NTRK2: variants seen among roughly 807,000 people sequenced by gnomAD.
The protein encoded by NTRK2 is neurotrophic receptor tyrosine kinase 2.
In NTRK2, 13 loss-of-function variants were observed where a neutral mutation model predicts 94.5. The ratio of observed to expected loss-of-function variants is 0.14; its 90% confidence interval spans 0.09 to 0.22. The LOEUF (loss-of-function observed/expected upper bound fraction) is 0.22, where lower values mean the gene tolerates loss of function less well. NTRK2 is among the 10% of genes least tolerant of loss of function. NTRK2 has a pLI of 1.00. For synonymous variants in NTRK2, 372 were observed against 407.4 expected (o/e 0.91, Z 1.05); for missense variants, 639 against 1,071.2 (o/e 0.60, Z 5.63).
chr9:84,706,514 ATTTTTTGTTTTTG>A (rs1338978623), intron 4 of NTRK2, among the ~76,000 whole-genome samples: 1 of 68,546 alleles, frequency 1.5e-5, no homozygotes, highest in African/African-American at 5.4e-5. Context: ...CATGTGTGTT[ATTTTTTGTTTTTG>A]TTTTTTTTTT....
intron 10 of NTRK2, among the ~76,000 whole-genome samples, chr9:84,742,864 G>A (rs567511806): frequency 7.4e-6 from 1 of 134,460 alleles, no homozygotes; most frequent in East Asian, 2.3e-4. Flanking sequence ...CCAGTGGCGC[G>A]ATCTATGCTC....
chr9:84,879,254 TC>T (rs2076184437), intron 14 of NTRK2, among the ~76,000 whole-genome samples: 1 of 152,098 alleles, frequency 6.6e-6, no homozygotes, highest in African/African-American at 2.4e-5. Context: ...CAGGGGACTT[TC>T]TCAGTAAGTC....
At chr9:84,767,543 A>G (rs1022332971) in intron 12 of NTRK2, among the ~76,000 whole-genome samples, 2 of 152,216 alleles carry the variant, frequency 1.3e-5, no homozygotes, top group African/African-American at 4.8e-5. Context: ...TGATGGTGAT[A>G]GTGGAGATCT....
chr9:84,817,393 T>C (rs1189242891), intron 12 of NTRK2, among the ~76,000 whole-genome samples: 1 of 152,248 alleles, frequency 6.6e-6, no homozygotes, highest in Admixed American at 6.5e-5. Flanking sequence ...CTTGAATTCT[T>C]CTCTTTATCC....
At chr9:84,906,756 C>A (rs1467592599) in intron 14 of NTRK2, among the ~76,000 whole-genome samples, 1 of 152,266 alleles carries the variant, frequency 6.6e-6, no homozygotes, top group African/African-American at 2.4e-5. Flanking sequence ...CTGGGACTGG[C>A]AGGGCTGTAA....
intron 4 of NTRK2, among the ~76,000 whole-genome samples, chr9:84,706,684 C>T (rs772407423): frequency 2.2e-4 from 33 of 151,848 alleles, no homozygotes; most frequent in South Asian, 6.3e-4. Flanking sequence ...TGCCCGCCAC[C>T]GCCTGGCTAA....
chr9:84,988,617 C>T (rs1462351571), intron 17 of NTRK2, among the ~76,000 whole-genome samples: 1 of 152,210 alleles, frequency 6.6e-6, no homozygotes, highest in Non-Finnish European at 1.5e-5. Flanking sequence ...CAGCTGTGTG[C>T]ACACTTACAG....
rs59111558 is a variant in NTRK2, at chr9:84,801,191, T to C, written c.1396+49106T>C. Among the ~76,000 whole-genome samples, 1,009 of 152,282 alleles carry C rather than the reference T, an allele frequency of 6.6e-3. 13 individuals carry two copies. The highest frequency in any genetic ancestry group is 0.022 in the African/African-American group (930 of 41,554). The stretch of plus-strand genomic sequence containing the variant: ...TATTGTAAAGTTGGATAACTGAGGT[T>C]CAGAGAGGTCCCCTCACTTGGCCAG... On this transcript the variant is annotated intron_variant, in intron 12 of 18. Coordinates refer to ENST00000277120, the MANE Select transcript of NTRK2 (RefSeq NM_006180.6).
At chr9:84,841,050 T>C (rs745662859) in intron 12 of NTRK2, among the ~76,000 whole-genome samples, 1 of 152,178 alleles carries the variant, frequency 6.6e-6, no homozygotes, top group Non-Finnish European at 1.5e-5. Context: ...AGCTCAGTCT[T>C]TGAGACCCTC....
chr9:84,753,448 G>C (rs1380839997), intron 12 of NTRK2, among the ~76,000 whole-genome samples: 3 of 152,102 alleles, frequency 2.0e-5, no homozygotes, highest in Non-Finnish European at 4.4e-5. Flanking sequence ...ACAGTTTCTG[G>C]AGAATACTGA....
At chr9:84,956,551 G>A (rs1245954953) in intron 17 of NTRK2, among the ~76,000 whole-genome samples, 1 of 152,154 alleles carries the variant, frequency 6.6e-6, no homozygotes, top group South Asian at 2.1e-4. Flanking sequence ...TTCAAGGAGA[G>A]AGGAAGGGAA....
chr9:84,975,779 G>T (rs1826773127), intron 17 of NTRK2, among the ~76,000 whole-genome samples: 1 of 147,546 alleles, frequency 6.8e-6, no homozygotes, highest in African/African-American at 2.5e-5. Flanking sequence ...CACAAATTGT[G>T]TGAATTGTAT....
At chr9:84,779,737 A>C (rs1315726935) in intron 12 of NTRK2, among the ~76,000 whole-genome samples, 3 of 152,220 alleles carry the variant, frequency 2.0e-5, no homozygotes, top group Non-Finnish European at 4.4e-5. Context: ...CAACTGTTCA[A>C]GATCAAGAAG....
intron 17 of NTRK2, among the ~76,000 whole-genome samples, chr9:84,970,655 T>C (rs774248973): frequency 6.6e-6 from 1 of 152,132 alleles, no homozygotes; most frequent in Non-Finnish European, 1.5e-5. Flanking sequence ...CCCACATTAC[T>C]CCACCTCTCA....
At chr9:84,775,004 C>T (rs1406488575) in intron 12 of NTRK2, among the ~76,000 whole-genome samples, 1 of 152,204 alleles carries the variant, frequency 6.6e-6, no homozygotes, top group Non-Finnish European at 1.5e-5. Context: ...GTCAGTTTTT[C>T]TTTTATTTCC....
intron 12 of NTRK2, among the ~76,000 whole-genome samples, chr9:84,799,721 T>C (rs2070153787): frequency 1.3e-5 from 2 of 152,144 alleles, no homozygotes; most frequent in African/African-American, 4.8e-5. Flanking sequence ...CATAGAAGAA[T>C]TGGTATTCCG....
At chr9:84,691,502 A>C (rs1033223803) in intron 2 of NTRK2, among the ~76,000 whole-genome samples, 1 of 152,132 alleles carries the variant, frequency 6.6e-6, no homozygotes, top group Non-Finnish European at 1.5e-5. Flanking sequence ...AGCCTGGAAA[A>C]TTTTAGTCTC....
At chr9:84,929,171 T>A (rs2077929830) in intron 14 of NTRK2, among the ~76,000 whole-genome samples, 1 of 152,238 alleles carries the variant, frequency 6.6e-6, no homozygotes, top group Non-Finnish European at 1.5e-5. Context: ...GGGAGGAATC[T>A]ATACCAGAAT....
At chr9:84,774,149 T>C (rs1250730494) in intron 12 of NTRK2, among the ~76,000 whole-genome samples, 1 of 152,196 alleles carries the variant, frequency 6.6e-6, no homozygotes, top group Non-Finnish European at 1.5e-5. Flanking sequence ...TCTATTGAGA[T>C]GGCAAACATA....
Sources: gnomAD v4.1 joint callset for allele counts (sites outside exome capture counted in the v4.1 genomes callset) on GRCh38, gnomAD v4.1.1 for gene constraint, MANE v1.5 for transcripts, NCBI Gene and HGNC (gene_info 2026-07-23, HGNC 2026-07-21) for gene names.